ARHGAP11A: variants seen among roughly 807,000 people sequenced by gnomAD.
The protein encoded by ARHGAP11A is Rho GTPase activating protein 11A.
ARHGAP11A carries 36 observed loss-of-function variants against 60.5 expected under a neutral mutation model. That is an observed-to-expected ratio of 0.59 (90% confidence interval 0.46 to 0.79). The LOEUF (loss-of-function observed/expected upper bound fraction) is 0.79, where lower values mean the gene tolerates loss of function less well. ARHGAP11A is among the 30% of genes least tolerant of loss of function. ARHGAP11A has a pLI of 0.00. For missense variants in ARHGAP11A, 1,071 were observed against 1,199.2 expected (o/e 0.89, Z 1.58); for synonymous variants, 362 against 415.5 (o/e 0.87, Z 1.57).
rs754094496 is a variant in ARHGAP11A at position 32,637,329 on chromosome 15, C to T, written c.2556C>T (p.Ser852=). Residue 852 remains serine (S), a synonymous_variant, in exon 12 of 12, where the codon AGC becomes AGT. Coordinates refer to ENST00000361627, the MANE Select transcript of ARHGAP11A (RefSeq NM_014783.6). Reference sequence around the variant, plus strand: ...GAATTAATTCTTTGTTGGAGTATAGCAGACAACCTACAGGGCATAAGTTGG... The same window carrying T: ...GAATTAATTCTTTGTTGGAGTATAGTAGACAACCTACAGGGCATAAGTTGG... ...VRRINSLLEY[S]RQPTGHKLAS... 3.7e-5 allele frequency: 59 copies of T among 1,614,074 alleles called. No individual in the cohort carries two copies. The highest frequency in any genetic ancestry group is 4.8e-5 in the Non-Finnish European group (57 of 1,180,030).
chr15:32,621,565 C>T (rs1229532445), intron 2 of ARHGAP11A, among the ~76,000 whole-genome samples: 1 of 152,304 alleles, frequency 6.6e-6, no homozygotes, highest in Non-Finnish European at 1.5e-5. Context: ...GGGGCTCACG[C>T]CTGTAATCCC....
chr15:32,638,686 T>G lies in ARHGAP11A; in HGVS notation c.*841T>G, dbSNP rs1595780746. 3 of 152,798 alleles carry G rather than the reference T, an allele frequency of 2.0e-5. No individual in the cohort carries two copies. The East Asian group carries it at 5.8e-4, about 29-fold the overall frequency. The allele number at this position is 152,798 out of a possible 1,614,324, so 9.5% of individuals were successfully genotyped here. On this transcript the variant is annotated 3_prime_UTR_variant, in exon 12 of 12. Coordinates refer to ENST00000361627, the MANE Select transcript of ARHGAP11A (RefSeq NM_014783.6). ...ATTTATAGTGCCAGTAGGTGTACCT[T>G]GTGTTCACTCGAACTAAGAACAATG...
At chr15:32,630,531 A>G (rs1448112899) in intron 8 of ARHGAP11A, among the ~76,000 whole-genome samples, 2 of 150,306 alleles carry the variant, frequency 1.3e-5, no homozygotes, top group Non-Finnish European at 2.9e-5. Context: ...CATTTATCTT[A>G]CATTTAGTCA....
chr15:32,627,676 C>A (rs1270446722), intron 6 of ARHGAP11A, among the ~76,000 whole-genome samples: 1 of 152,126 alleles, frequency 6.6e-6, no homozygotes, highest in African/African-American at 2.4e-5. Context: ...TTGTAGTTGG[C>A]TGAGATCGGG....
rs1029582645 is a variant in ARHGAP11A at position 32,615,848 on chromosome 15, G to A, written c.-364G>A. 3.5e-5 allele frequency: 9 copies of A among 255,768 alleles called. No individual in the cohort carries two copies. The highest frequency in any genetic ancestry group is 2.0e-4 in the African/African-American group (9 of 45,164). 15.8% of individuals were successfully genotyped at this position (255,768 alleles called of 1,614,324 possible). ...AGTAAGGTTTGGAGGAAGGGGGATC[G>A]TTGGAAGTAGCAAGAAGTGGAGAGA... On this transcript the variant is annotated 5_prime_UTR_variant, in exon 1 of 12. Coordinates refer to ENST00000361627, the MANE Select transcript of ARHGAP11A (RefSeq NM_014783.6).
At chr15:32,629,487 T>G in intron 7 of ARHGAP11A, 108 bp from the exon 8 acceptor site, 1 of 694,740 alleles carries the variant, frequency 1.4e-6, no homozygotes, top group African/African-American at 1.8e-5. Context: ...ATTCTCATTT[T>G]TTGTTTAGCT....
chr15:32,634,004 G>A lies in ARHGAP11A; in HGVS notation c.1307G>A (p.Arg436His), dbSNP rs141210305. 1.5e-5 allele frequency: 24 copies of A among 1,607,024 alleles called. No individual in the cohort carries two copies. The highest frequency in any genetic ancestry group is 2.7e-5 in the African/African-American group (2 of 74,624). ...AAAGAAAAGGTTCGAAGATCTCTGCGTTTGAAATTCAATCTAGGGAAAAAT... is the reference window on the plus strand; with the variant it reads ...AAAGAAAAGGTTCGAAGATCTCTGCATTTGAAATTCAATCTAGGGAAAAAT... ...SHKEKVRRSL[R>H]LKFNLGKNGR... is the part of the protein sequence containing the mutation. Residue 436 changes from arginine (R) to histidine (H), a missense_variant, in exon 10 of 12, where the codon CGT becomes CAT. Around this residue, in one of 4 missense-constraint regions of ARHGAP11A, gnomAD observed 776 missense variants for 760.2 expected, o/e 1.02. Transcript: ENST00000361627.
At position 32,629,633 on chromosome 15, in the gene ARHGAP11A, G is replaced by A; in HGVS notation, c.976G>A (p.Ala326Thr). 2 of 1,612,692 alleles carry A rather than the reference G, an allele frequency of 1.2e-6. No homozygotes were observed. Among genetic ancestry groups the A allele is most frequent in the Non-Finnish European group, 8.5e-7 (1 of 1,179,458 alleles). ...ATCACCAGTGATTCTTACACCAAAT[G>A]CTAAGCGTACATTGCCAGTAGATTC... ...SESPVILTPN[A>T]KRTLPVDSSH... The change falls in exon 8 of 12, where the codon GCT becomes ACT. Residue 326 changes from alanine (A) to threonine (T), a missense_variant. Ala to Thr is a moderately conservative substitution (Grantham distance 58). Transcript: ENST00000361627.
In ARHGAP11A at chr15:32,639,461, T is replaced by C. The variant is rs937755147; in HGVS notation, c.*1616T>C. The C allele has an allele frequency of 4.6e-5, 7 of 152,262 alleles. No homozygotes were observed. Among genetic ancestry groups the C allele is most frequent in the Admixed American group, 3.9e-4 (6 of 15,290 alleles). 9.4% of individuals were successfully genotyped at this position (152,262 alleles called of 1,614,324 possible). ...TGTAAGTAGAGACAAAATATTCATA[T>C]AGTCAGATATATGTTGTCTGCTTTA... is the stretch of plus-strand genomic sequence containing the variant. On this transcript the variant is annotated 3_prime_UTR_variant, in exon 12 of 12. Coordinates refer to ENST00000361627, the MANE Select transcript of ARHGAP11A (RefSeq NM_014783.6).
chr15:32,635,321 T>C (rs2053679377), intron 10 of ARHGAP11A, among the ~76,000 whole-genome samples: 1 of 152,238 alleles, frequency 6.6e-6, no homozygotes. Context: ...CACCACTCCA[T>C]ATCCTTTTTA....
In ARHGAP11A at chr15:32,639,802, AT is replaced by A. The variant is rs2053808888; in HGVS notation, c.*1963del. ...TTTAAACTTGATTTAATGCGTTTTT[AT>A]TTTTTCTTATACAAAATAGAGATAA... is the stretch of plus-strand genomic sequence containing the variant. On this transcript the variant is annotated 3_prime_UTR_variant, in exon 12 of 12. Transcript: ENST00000361627. The A allele has an allele frequency of 6.6e-6, 1 of 152,122 alleles. No individual in the cohort carries two copies. Among genetic ancestry groups the A allele is most frequent in the South Asian group, 2.1e-4 (1 of 4,830 alleles). The allele number at this position is 152,122 out of a possible 1,614,324, so 9.4% of individuals were successfully genotyped here. A position where few individuals can be genotyped will look rare whatever the true frequency, so the allele number is the denominator to read the frequency against.
chr15:32,623,953 G>A (rs952594518), intron 3 of ARHGAP11A, among the ~76,000 whole-genome samples: 1 of 151,756 alleles, frequency 6.6e-6, no homozygotes, highest in Non-Finnish European at 1.5e-5. Context: ...GCTTGAGCCT[G>A]GGAGTTTGAA....
rs771590160 is a variant in ARHGAP11A at position 32,629,630 on chromosome 15, A to C, written c.973A>C (p.Asn325His). Residue 325 changes from asparagine to histidine, a missense_variant, in exon 8 of 12, where the codon AAT (asparagine) becomes CAT (histidine). This residue lies in a region of ARHGAP11A where 196 missense variants were observed against 272.1 expected (regional missense o/e 0.72). Transcript: ENST00000361627. The part of the protein sequence containing the change: ...LSESPVILTP[N>H]AKRTLPVDSS... ...TGAATCACCAGTGATTCTTACACCA[A>C]ATGCTAAGCGTACATTGCCAGTAGA... 6.2e-7 allele frequency: 1 copy of C among 1,612,176 alleles called. No homozygotes were observed. The highest frequency in any genetic ancestry group is 1.3e-5 in the African/African-American group (1 of 74,958).
intron 6 of ARHGAP11A, among the ~76,000 whole-genome samples, chr15:32,627,667 T>C (rs2140460030): frequency 1.3e-5 from 2 of 152,198 alleles, no homozygotes; most frequent in South Asian, 4.1e-4. Flanking sequence ...AGGCGGAGGT[T>C]GTAGTTGGCT....
intron 8 of ARHGAP11A, among the ~76,000 whole-genome samples, chr15:32,631,917 C>T (rs866263110): frequency 5.3e-5 from 8 of 152,238 alleles, no homozygotes; most frequent in South Asian, 2.1e-4. Context: ...TCAAGCAATC[C>T]GCCCACCTCA....
At position 32,616,035 on chromosome 15, in the gene ARHGAP11A, G is replaced by A. The variant is rs1045026861; in HGVS notation, c.-177G>A. The A allele has an allele frequency of 1.2e-6, 1 of 809,224 alleles. No individual in the cohort carries two copies. Among genetic ancestry groups the A allele is most frequent in the African/African-American group, 1.7e-5 (1 of 57,550 alleles). 50.1% of individuals were successfully genotyped at this position (809,224 alleles called of 1,614,324 possible). A position where few individuals can be genotyped will look rare whatever the true frequency, so the allele number is the denominator to read the frequency against. ...CGGGTCTGTGTAAGTGGATGTGAGT[G>A]AGGATCAAGGAAAAGCCGTGGAAGT... is the stretch of plus-strand genomic sequence containing the variant. On this transcript the variant is annotated 5_prime_UTR_variant, in exon 1 of 12. Transcript: ENST00000361627.
At chr15:32,629,539 A>T (rs898758834) in intron 7 of ARHGAP11A, 56 bp from the exon 8 acceptor site, 3 of 1,441,666 alleles carry the variant, frequency 2.1e-6, no homozygotes, top group Non-Finnish European at 2.8e-6. Flanking sequence ...TAAAGCTTTT[A>T]TATGTTGTCA....
intron 1 of ARHGAP11A, among the ~76,000 whole-genome samples, chr15:32,618,764 C>T (rs948673039): frequency 2.9e-5 from 4 of 139,026 alleles, no homozygotes; most frequent in South Asian, 2.9e-4. Flanking sequence ...TGAAACCCCC[C>T]CCCCCCCGCC....
At chr15:32,631,564 T>G (rs1252751388) in intron 8 of ARHGAP11A, among the ~76,000 whole-genome samples, 1 of 152,164 alleles carries the variant, frequency 6.6e-6, no homozygotes, top group Non-Finnish European at 1.5e-5. Flanking sequence ...TCTTCCAAAG[T>G]GCTGGGATTA....
Sources: allele counts gnomAD v4.1 joint callset (sites outside exome capture counted in the v4.1 genomes callset), GRCh38; gene constraint gnomAD v4.1.1; regional missense constraint gnomAD v4.1.1; transcripts MANE v1.5; gene names NCBI Gene and HGNC (gene_info 2026-07-23, HGNC 2026-07-21).